Variants in LRMDA observed in about 807,000 individuals in gnomAD.
The protein encoded by LRMDA is leucine-rich melanocyte differentiation-associated protein.
Under a neutral mutation model 29.8 loss-of-function variants are expected in LRMDA, and 18 were observed. That is an observed-to-expected ratio of 0.60 (90% CI 0.42 to 0.90). LRMDA has a LOEUF of 0.90. Among genes scored for constraint, LRMDA ranks in the 40% least tolerant of loss-of-function variants. LRMDA has a pLI of 0.00. For synonymous variants in LRMDA, 125 were observed against 109.4 expected, an observed-to-expected ratio of 1.14 and a Z score of -0.89; for missense variants, 273 against 273.9, an observed-to-expected ratio of 1.00 and a Z score of 0.02.
At chr10:76,207,491 A>C (rs2395344) in intron 5 of LRMDA, among the ~76,000 whole-genome samples, 40,951 of 152,120 alleles carry the variant, frequency 0.27, 6,349 homozygotes, top group East Asian at 0.6. Flanking sequence ...TACTGACTTA[A>C]GTATTTATTT....
At chr10:76,082,940 G>A (rs1300777537) in intron 5 of LRMDA, among the ~76,000 whole-genome samples, 1 of 152,214 alleles carries the variant, frequency 6.6e-6, no homozygotes, top group Non-Finnish European at 1.5e-5. Context: ...TTGAGTTGAA[G>A]GAAATTCCAG....
In LRMDA at chr10:75,478,922, A is replaced by G. The variant is rs1036355620; in HGVS notation, c.131+40428A>G. ...CCTCACTCCCCGCCCTGCCATGTAC[A>G]TCCTCTGTGTACCCTGGGAACTTGT... is the stretch of plus-strand genomic sequence containing the variant. On this transcript the variant is annotated intron_variant, in intron 2 of 6. Transcript: ENST00000611255. 4.5e-4 allele frequency among the ~76,000 whole-genome samples: 69 copies of G among 152,084 alleles called. 1 individual carries two copies. Among genetic ancestry groups the G allele is most frequent in the African/African-American group, 1.4e-3 (57 of 41,404 alleles).
chr10:76,330,696 C>T (rs1417625825), intron 6 of LRMDA, among the ~76,000 whole-genome samples: 2 of 152,152 alleles, frequency 1.3e-5, no homozygotes, highest in Non-Finnish European at 2.9e-5. Flanking sequence ...TCAAAGCACT[C>T]AGCACGTCAA....
intron 2 of LRMDA, among the ~76,000 whole-genome samples, chr10:76,009,463 A>C (rs1847733912): frequency 6.6e-6 from 1 of 152,176 alleles, no homozygotes; most frequent in Non-Finnish European, 1.5e-5. Context: ...GGGGCCCCTA[A>C]AAAAGAAGTG....
chr10:75,686,778 C>T lies in LRMDA; in HGVS notation c.131+248284C>T, dbSNP rs1298307181. ...CTTTGCAGATATAGTGCATTTCTTA[C>T]AAATTGAAGGTTTGTCGCAACCCTG... On this transcript the variant is annotated intron_variant, in intron 2 of 6. Coordinates refer to ENST00000611255, the MANE Select transcript of LRMDA (RefSeq NM_001305581.2). Among the ~76,000 whole-genome samples, 3 of 152,170 alleles carry T rather than the reference C, an allele frequency of 2.0e-5. No individual in the cohort carries two copies. The East Asian group carries it at 5.8e-4, about 29-fold the overall frequency.
At chr10:75,855,411 G>C (rs1844808562) in intron 2 of LRMDA, among the ~76,000 whole-genome samples, 1 of 152,078 alleles carries the variant, frequency 6.6e-6, no homozygotes, top group South Asian at 2.1e-4. Flanking sequence ...TTTTTGATGG[G>C]GTTGTTTTTT....
chr10:75,996,381 T>A (rs1847462457), intron 2 of LRMDA, among the ~76,000 whole-genome samples: 1 of 152,168 alleles, frequency 6.6e-6, no homozygotes, highest in South Asian at 2.1e-4. Context: ...CCAGGTCAAT[T>A]TTCCCCTATT....
chr10:75,539,268 A>C (rs1038407109), intron 2 of LRMDA, among the ~76,000 whole-genome samples: 4 of 152,214 alleles, frequency 2.6e-5, no homozygotes, highest in African/African-American at 9.6e-5. Flanking sequence ...AACCACACTG[A>C]AAGTTTTTTG....
intron 5 of LRMDA, among the ~76,000 whole-genome samples, chr10:76,232,831 C>T (rs988430563): frequency 1.3e-5 from 2 of 152,174 alleles, no homozygotes; most frequent in African/African-American, 4.8e-5. Flanking sequence ...GTGGGAAAGT[C>T]CCCTGTGTGT....
At chr10:76,224,321 C>G (rs1851909245) in intron 5 of LRMDA, among the ~76,000 whole-genome samples, 1 of 151,754 alleles carries the variant, frequency 6.6e-6, no homozygotes. Context: ...CCTATAATCC[C>G]AGCACTTTTG....
chr10:75,525,576 TTTTCTTTC>T (rs1195803004), intron 2 of LRMDA, among the ~76,000 whole-genome samples: 1 of 144,156 alleles, frequency 6.9e-6, no homozygotes, highest in Non-Finnish European at 1.5e-5. Context: ...TTTCTTTTCT[TTTTCTTTC>T]TTTCTTTCTT....
intron 2 of LRMDA, among the ~76,000 whole-genome samples, chr10:75,514,164 GTT>G (rs3041614): frequency 0.015 from 2,122 of 138,748 alleles, 34 homozygotes; most frequent in African/African-American, 0.04. Flanking sequence ...TCCTTTACCT[GTT>G]TTTTTTTTTT....
At chr10:76,079,213 G>A (rs1849011854) in intron 5 of LRMDA, among the ~76,000 whole-genome samples, 1 of 152,142 alleles carries the variant, frequency 6.6e-6, no homozygotes, top group African/African-American at 2.4e-5. Context: ...TGACCTTTGT[G>A]CCTTATAGTA....
intron 6 of LRMDA, among the ~76,000 whole-genome samples, chr10:76,452,374 C>T (rs1315068172): frequency 1.3e-5 from 2 of 152,080 alleles, no homozygotes; most frequent in African/African-American, 2.4e-5. Flanking sequence ...CCTAATCACT[C>T]ACCTGTTTCT....
chr10:75,827,085 G>T (rs529511257), intron 2 of LRMDA, among the ~76,000 whole-genome samples: 11 of 152,270 alleles, frequency 7.2e-5, no homozygotes, highest in African/African-American at 2.2e-4. Flanking sequence ...GCTAAAAAAT[G>T]TAAATTACTT....
At position 75,991,520 on chromosome 10, in the gene LRMDA, C is replaced by T. The variant is rs75824693; in HGVS notation, c.132-44488C>T. Among the ~76,000 whole-genome samples, 1,290 of 152,296 alleles carry T rather than the reference C, an allele frequency of 8.5e-3. 7 individuals are homozygous for T. The highest frequency in any genetic ancestry group is 0.011 in the Admixed American group (175 of 15,298). Reference sequence around the variant, plus strand: ...TCAACATGTCATAACAGGAAGGAATCTCAAGGAGCATCTTGTTTAGGGATG... The same window carrying T: ...TCAACATGTCATAACAGGAAGGAATTTCAAGGAGCATCTTGTTTAGGGATG... On this transcript the variant is annotated intron_variant, in intron 2 of 6. Transcript: ENST00000611255.
intron 5 of LRMDA, among the ~76,000 whole-genome samples, chr10:76,090,042 A>C (rs1228050602): frequency 6.6e-6 from 1 of 152,186 alleles, no homozygotes; most frequent in South Asian, 2.1e-4. Context: ...AGTCACTGGC[A>C]ATGTCAGCAG....
At chr10:76,206,005 G>T (rs990692082) in intron 5 of LRMDA, among the ~76,000 whole-genome samples, 1 of 152,134 alleles carries the variant, frequency 6.6e-6, no homozygotes, top group Non-Finnish European at 1.5e-5. Context: ...TGGGAAACTC[G>T]AGAAGCATTG....
chr10:76,182,438 A>G (rs1291639303), intron 5 of LRMDA, among the ~76,000 whole-genome samples: 1 of 152,150 alleles, frequency 6.6e-6, no homozygotes, highest in Middle Eastern at 3.2e-3. Context: ...TAAACAAAAC[A>G]TTGTATGTCA....
Sources: gnomAD v4.1 joint callset for allele counts (sites outside exome capture counted in the v4.1 genomes callset) on GRCh38, gnomAD v4.1.1 for gene constraint, MANE v1.5 for transcripts, NCBI Gene and HGNC (gene_info 2026-07-23, HGNC 2026-07-21) for gene names.